The following RYR2 variants were observed in gnomAD, a reference collection of about 807,000 sequenced individuals.
The protein encoded by RYR2 is cardiac muscle ryanodine receptor-calcium release channel.
Under a neutral mutation model 601.1 loss-of-function variants are expected in RYR2, and 227 were observed. That is an observed-to-expected ratio of 0.38 (90% confidence interval 0.34 to 0.42). The LOEUF (loss-of-function observed/expected upper bound fraction) is 0.42, where lower values mean the gene tolerates loss of function less well. Ranked by LOEUF, RYR2 falls within the 10% of genes least tolerant of loss-of-function variation. The pLI, the probability that RYR2 is intolerant of heterozygous loss-of-function variation, is 1.00. For missense variants in RYR2, 4,646 were observed against 6,156.5 expected (o/e 0.75, Z 8.21); for synonymous variants, 2,223 against 2,175.1 (o/e 1.02, Z -0.61).
intron 24 of RYR2, among the ~76,000 whole-genome samples, chr1:237,520,861 C>A (rs546761158): frequency 3.2e-4 from 48 of 152,108 alleles, no homozygotes; most frequent in Non-Finnish European, 6.5e-4. Flanking sequence ...CATGGTGAAA[C>A]CCCAACTTTA....
intron 1 of RYR2, among the ~76,000 whole-genome samples, chr1:237,120,054 G>T (rs920223964): frequency 9.2e-5 from 14 of 152,056 alleles, no homozygotes; most frequent in Non-Finnish European, 1.9e-4. Context: ...ATGATCTCTG[G>T]AGTCAGACCA....
intron 34 of RYR2, among the ~76,000 whole-genome samples, chr1:237,600,335 G>T (rs1676364296): frequency 6.6e-6 from 1 of 151,938 alleles, no homozygotes; most frequent in Non-Finnish European, 1.5e-5. Context: ...AAGGTGCCAA[G>T]AACACACATT....
intron 53 of RYR2, among the ~76,000 whole-genome samples, chr1:237,657,584 A>G (rs1049326672): frequency 6.6e-6 from 1 of 151,650 alleles, no homozygotes; most frequent in Non-Finnish European, 1.5e-5. Flanking sequence ...ACACATCACT[A>G]CTAAATTTAG....
intron 73 of RYR2, among the ~76,000 whole-genome samples, chr1:237,719,833 A>G (rs1204898537): frequency 6.6e-6 from 1 of 151,852 alleles, no homozygotes. Context: ...CCCATGATCA[A>G]CTCAGCTCCC....
chr1:237,126,743 C>CT (rs1172428404), intron 1 of RYR2, among the ~76,000 whole-genome samples: 2 of 152,034 alleles, frequency 1.3e-5, no homozygotes, highest in Non-Finnish European at 2.9e-5. Context: ...TGTGTAAAGA[C>CT]TTATGGAAAG....
Position 237,733,494 on chromosome 1 carries a change from T to C in RYR2, c.11040-211T>C, listed in dbSNP as rs1039750176. ...TTGAAGGCCCTTCTGTAAGGTAAGA[T>C]GGGACAGCTATTTAGGATCCCCGGG... On this transcript the variant is annotated intron_variant, in intron 78 of 104. Coordinates refer to ENST00000366574, the MANE Select transcript of RYR2 (RefSeq NM_001035.3). Among the ~76,000 whole-genome samples, 5 of 152,204 alleles carry C rather than the reference T, an allele frequency of 3.3e-5. No individual in the cohort carries two copies. In the East Asian group the frequency reaches 7.7e-4, roughly 23 times the overall value.
intron 14 of RYR2, among the ~76,000 whole-genome samples, chr1:237,449,461 T>G (rs1657800157): frequency 6.6e-6 from 1 of 152,208 alleles, no homozygotes. Flanking sequence ...TTATAGATGT[T>G]ATTAATTCCA....
chr1:237,421,734 T>C (rs901366407), intron 11 of RYR2, among the ~76,000 whole-genome samples: 1 of 152,224 alleles, frequency 6.6e-6, no homozygotes, highest in Non-Finnish European at 1.5e-5. Flanking sequence ...TACTTTTTCT[T>C]TGACTCATTG....
chr1:237,631,280 T>G (rs1010376318), intron 41 of RYR2, 147 bp from the exon 42 acceptor site: 3 of 583,692 alleles, frequency 5.1e-6, no homozygotes, highest in Non-Finnish European at 9.0e-6. Flanking sequence ...AACAATTACA[T>G]TCATTAATTT....
chr1:237,693,221 T>C (rs780760510), intron 63 of RYR2, among the ~76,000 whole-genome samples: 61 of 152,064 alleles, frequency 4.0e-4, no homozygotes, highest in Admixed American at 5.2e-4. Context: ...TTTTTTTTTT[T>C]TCTCTTATTC....
At chr1:237,632,258 CA>C (rs34129382) in intron 42 of RYR2, among the ~76,000 whole-genome samples, 43,265 of 151,952 alleles carry the variant, frequency 0.28, 6,327 homozygotes, top group East Asian at 0.42. Context: ...GTCCATGGCA[CA>C]AGCATGTTCT....
At chr1:237,306,981 C>T (rs774992718) in intron 2 of RYR2, among the ~76,000 whole-genome samples, 1 of 152,158 alleles carries the variant, frequency 6.6e-6, no homozygotes, top group Admixed American at 6.5e-5. Flanking sequence ...CGGGTACGTA[C>T]TTATACTACT....
At chr1:237,481,459 G>A (rs908556029) in intron 17 of RYR2, among the ~76,000 whole-genome samples, 1 of 152,088 alleles carries the variant, frequency 6.6e-6, no homozygotes, top group African/African-American at 2.4e-5. Flanking sequence ...AAGATGTGTT[G>A]TAATTATGCT....
At chr1:237,108,141 A>G (rs1248172603) in intron 1 of RYR2, among the ~76,000 whole-genome samples, 1 of 152,182 alleles carries the variant, frequency 6.6e-6, no homozygotes, top group African/African-American at 2.4e-5. Flanking sequence ...GCATTTCCCA[A>G]ATTTTCCAGG....
chr1:237,307,870 A>G (rs963664121), intron 2 of RYR2, among the ~76,000 whole-genome samples: 1 of 152,244 alleles, frequency 6.6e-6, no homozygotes, highest in African/African-American at 2.4e-5. Flanking sequence ...ACATTGTGCA[A>G]TAAAGTTTGC....
intron 102 of RYR2, among the ~76,000 whole-genome samples, chr1:237,829,717 T>C (rs1351384344): frequency 6.6e-6 from 1 of 152,166 alleles, no homozygotes; most frequent in East Asian, 1.9e-4. Context: ...TGATTGTAGT[T>C]CCTAAAATAC....
At chr1:237,557,856 G>A (rs1231771514) in intron 27 of RYR2, among the ~76,000 whole-genome samples, 5 of 152,174 alleles carry the variant, frequency 3.3e-5, no homozygotes, top group African/African-American at 1.2e-4. Flanking sequence ...ACATGGGGTA[G>A]TGGGAAGATT....
At chr1:237,480,154 C>T (rs927493810) in intron 17 of RYR2, among the ~76,000 whole-genome samples, 1 of 152,110 alleles carries the variant, frequency 6.6e-6, no homozygotes, top group Non-Finnish European at 1.5e-5. Flanking sequence ...CATGGTGGCT[C>T]ATGCCTGTAA....
At chr1:237,801,803 T>G in intron 97 of RYR2, 53 bp from the exon 98 acceptor site, 19 of 1,163,518 alleles carry the variant, frequency 1.6e-5, no homozygotes, top group Non-Finnish European at 2.1e-5. Context: ...CGCAAGCCTA[T>G]GAGTCTTTGG....
Sources: gnomAD v4.1 joint callset for allele counts (sites outside exome capture counted in the v4.1 genomes callset) on GRCh38, gnomAD v4.1.1 for gene constraint, MANE v1.5 for transcripts, NCBI Gene and HGNC (gene_info 2026-07-23, HGNC 2026-07-21) for gene names.